The following MPP1 variants were observed in gnomAD, a reference collection of about 807,000 sequenced individuals.
The protein encoded by MPP1 is 55 kDa erythrocyte membrane protein.
Under a neutral mutation model 38.2 loss-of-function variants are expected in MPP1, and 6 were observed. The observed-to-expected ratio is 0.16, with a 90% CI of 0.09 to 0.31. The LOEUF (loss-of-function observed/expected upper bound fraction) is 0.31, where lower values mean the gene tolerates loss of function less well. Ranked by LOEUF, MPP1 falls within the 10% of genes least tolerant of loss-of-function variation. MPP1 has a pLI of 1.00. For missense variants in MPP1, 293 were observed against 368.9 expected (o/e 0.79, Z 1.69); for synonymous variants, 153 against 146.3 (o/e 1.05, Z -0.33).
chrX:154,792,093 C>T, intron 2 of MPP1, 49 bp downstream of exon 2: 1 of 1,191,226 alleles, frequency 8.4e-7, no homozygotes, highest in Non-Finnish European at 1.1e-6. Flanking sequence ...GGCCCAGTGA[C>T]TCATGGGGCA....
At chrX:154,782,817 TCA>T (rs2072024758) in intron 9 of MPP1, 1 of 112,507 alleles carries the variant, frequency 8.9e-6, no homozygotes, top group Non-Finnish European at 1.9e-5. Flanking sequence ...TCACTTAAAG[TCA>T]CAGTCTTCGA....
chrX:154,781,651 C>T lies in MPP1; in HGVS notation c.1098G>A (p.Val366=), dbSNP rs782259153. ...GNMFGTKFET[V]HQIHKQNKIA... ...TCTTGTTCTGCTTATGGATCTGGTG[C>T]ACTGTTTCAAATTTGGTGCCAAACA... Residue 366 remains valine, a synonymous_variant, in exon 10 of 12, where the codon GTG becomes GTA. Coordinates refer to ENST00000369534, the MANE Select transcript of MPP1 (RefSeq NM_002436.4). The T allele has an allele frequency of 8.3e-7, 1 of 1,211,587 alleles. No individual in the cohort carries two copies. The highest frequency in any genetic ancestry group is 1.1e-6 in the Non-Finnish European group (1 of 895,542).
At chrX:154,799,833 C>T (rs782468635) in intron 1 of MPP1, 1 of 1,163,689 alleles carries the variant, frequency 8.6e-7, no homozygotes, top group East Asian at 3.3e-5. Context: ...GCTCTGAAAG[C>T]CCCTTCAGAG....
At chrX:154,781,046 T>G (rs953184932) in intron 11 of MPP1, among the ~76,000 whole-genome samples, 193 bp downstream of exon 11, 2 of 111,708 alleles carry the variant, frequency 1.8e-5, no homozygotes, top group Non-Finnish European at 3.8e-5. Context: ...TTAGGTAGCA[T>G]GGGCACTGGC....
intron 1 of MPP1, among the ~76,000 whole-genome samples, chrX:154,797,811 A>G: frequency 8.9e-6 from 1 of 112,296 alleles, no homozygotes; most frequent in East Asian, 2.8e-4. Context: ...GAAAGCCCAC[A>G]TGAAGATTGT....
Position 154,781,794 on chromosome X carries a change from G to T in MPP1, c.955C>A (p.Arg319=), listed in dbSNP as rs1557266683. The change falls in exon 10 of 12, where the codon CGG becomes AGG. Residue 319 remains arginine (R), a synonymous_variant. Coordinates refer to ENST00000369534, the MANE Select transcript of MPP1 (RefSeq NM_002436.4). ...KFVYPVPYTT[R]PPRKSEEDGK... Reference sequence around the variant, plus strand: ...TCTTCCTCACTCTTCCTTGGCGGCCGTGTTGTATCTGTGTACAAGAACCCA... The same window carrying T: ...TCTTCCTCACTCTTCCTTGGCGGCCTTGTTGTATCTGTGTACAAGAACCCA... The T allele has an allele frequency of 3.3e-6, 4 of 1,210,261 alleles. No homozygotes were observed. Among genetic ancestry groups the T allele is most frequent in the Non-Finnish European group, 4.5e-6 (4 of 894,371 alleles).
In MPP1 at chrX:154,805,442, G is replaced by C; in HGVS notation, c.-69C>G. On this transcript the variant is annotated 5_prime_UTR_variant, in exon 1 of 12. Coordinates refer to ENST00000369534, the MANE Select transcript of MPP1 (RefSeq NM_002436.4). ...GGGAATGACAGGGCCCGGGGCCTGCGGGGCTGCGGAGAAGGCGGGAGACGC... is the reference window on the plus strand; with the variant it reads ...GGGAATGACAGGGCCCGGGGCCTGCCGGGCTGCGGAGAAGGCGGGAGACGC... The C allele has an allele frequency of 9.7e-7, 1 of 1,032,400 alleles. No individual in the cohort carries two copies. The highest frequency in any genetic ancestry group is 1.3e-6 in the Non-Finnish European group (1 of 757,924). The allele number at this position is 1,032,400 out of a possible 1,213,427, so 85.1% of individuals were successfully genotyped here.
chrX:154,799,908 G>C, intron 1 of MPP1: 1 of 1,113,308 alleles, frequency 9.0e-7, no homozygotes, highest in East Asian at 3.6e-5. Flanking sequence ...AATTTAAAAA[G>C]AGATGAAAAA....
rs148895563 is a variant in MPP1, at chrX:154,791,809, C to A, written c.285G>T (p.Thr95=). The A allele has an allele frequency of 3.3e-6, 4 of 1,210,669 alleles. No individual in the cohort carries two copies. In the Admixed American group the frequency reaches 8.7e-5, roughly 26 times the overall value. The change falls in exon 3 of 12, where the codon ACG becomes ACT. Residue 95 remains threonine (T), a synonymous_variant. Transcript: ENST00000369534. ...TGCCACCATGAAGAATTCTGGCCAC[C>A]GTACAGGACTGTTTTTCATTCAGCT... ...TLKLNEKQSC[T]VARILHGGMI...
chrX:154,804,910 A>C (rs2072303556), intron 1 of MPP1: 1 of 367,155 alleles, frequency 2.7e-6, no homozygotes, highest in Admixed American at 3.1e-5. Context: ...AAACACAAGC[A>C]CTTCAACAAC....
Position 154,783,461 on chromosome X carries a change from G to A in MPP1, c.912C>T (p.Ser304=). 8.3e-7 allele frequency: 1 copy of A among 1,210,075 alleles called. No homozygotes were observed. Among genetic ancestry groups the A allele is most frequent in the Non-Finnish European group, 1.1e-6 (1 of 894,672 alleles). Reference sequence around the variant, plus strand: ...GGTACACAAACTTCTCCGGATTCTGGCTGAGCAGGGCATTCTTAATGTGGC... The same window carrying A: ...GGTACACAAACTTCTCCGGATTCTGACTGAGCAGGGCATTCTTAATGTGGC... ...GRSHIKNALL[S]QNPEKFVYPV... is the part of the protein sequence containing the mutation. The change falls in exon 9 of 12, where the codon AGC becomes AGT. Residue 304 remains serine (S), a synonymous_variant. Transcript: ENST00000369534.
At chrX:154,802,193 T>C (rs1175044571) in intron 1 of MPP1, among the ~76,000 whole-genome samples, 3 of 112,606 alleles carry the variant, frequency 2.7e-5, no homozygotes, top group Non-Finnish European at 5.6e-5. Flanking sequence ...AAGAGCCCAC[T>C]GTGCTGGGTG....
At chrX:154,801,787 C>CAA (rs782548268) in intron 1 of MPP1, among the ~76,000 whole-genome samples, 3 of 67,083 alleles carry the variant, frequency 4.5e-5, no homozygotes, top group Admixed American at 4.5e-4. Flanking sequence ...AAAAAAAAAA[C>CAA]AAAAAACAGA....
chrX:154,804,599 G>A, intron 1 of MPP1: 1 of 305,283 alleles, frequency 3.3e-6, no homozygotes, highest in South Asian at 3.1e-5. Context: ...ACCTTGCTGG[G>A]CCCAATCAAA....
At chrX:154,799,426 T>A (rs2072237079) in intron 1 of MPP1, among the ~76,000 whole-genome samples, 1 of 112,400 alleles carries the variant, frequency 8.9e-6, no homozygotes, top group South Asian at 3.7e-4. Flanking sequence ...GACCTCATCT[T>A]ACAGAACTCC....
chrX:154,779,635 C>A (rs1434997039), intron 11 of MPP1, among the ~76,000 whole-genome samples: 1 of 112,534 alleles, frequency 8.9e-6, no homozygotes, highest in Non-Finnish European at 1.9e-5. Context: ...ACCAGCATCT[C>A]CCACTTAATG....
chrX:154,796,745 A>C (rs2072202489), intron 1 of MPP1, among the ~76,000 whole-genome samples: 1 of 112,591 alleles, frequency 8.9e-6, no homozygotes, highest in Non-Finnish European at 1.9e-5. Flanking sequence ...ATTAAGGTAC[A>C]CATGTCCATG....
chrX:154,796,566 T>C (rs782438321), intron 1 of MPP1, among the ~76,000 whole-genome samples: 2 of 112,419 alleles, frequency 1.8e-5, no homozygotes, highest in East Asian at 5.6e-4. Context: ...TAGTTGAGCA[T>C]CTTGCCATCC....
In MPP1 at chrX:154,783,455, A is replaced by C. The variant is rs782304723; in HGVS notation, c.918T>G (p.Asn306Lys). 17 of 1,210,580 alleles carry C rather than the reference A, an allele frequency of 1.4e-5. No individual in the cohort carries two copies. The East Asian group carries it at 5.0e-4, about 36-fold the overall frequency. Residue 306 changes from asparagine to lysine, a missense_variant, in exon 9 of 12, where the codon AAT becomes AAG. Physicochemically the swap from Asn to Lys is moderately conservative, Grantham distance 94 (BLOSUM62 0). Transcript: ENST00000369534. ...SHIKNALLSQ[N>K]PEKFVYPVPY... ...GGACAGGGTACACAAACTTCTCCGGATTCTGGCTGAGCAGGGCATTCTTAA... is the reference window on the plus strand; with the variant it reads ...GGACAGGGTACACAAACTTCTCCGGCTTCTGGCTGAGCAGGGCATTCTTAA...
Sources: gnomAD v4.1 joint callset for allele counts (sites outside exome capture counted in the v4.1 genomes callset) on GRCh38, gnomAD v4.1.1 for gene constraint, MANE v1.5 for transcripts, NCBI Gene and HGNC (gene_info 2026-07-23, HGNC 2026-07-21) for gene names.